Variants in GRK5 observed in about 807,000 individuals in gnomAD.
GRK5 encodes the protein G protein-coupled receptor kinase 5.
GRK5 carries 40 observed loss-of-function variants against 78.4 expected under a neutral mutation model. That is an observed-to-expected ratio of 0.51 (90% CI 0.40 to 0.66). GRK5 has a LOEUF of 0.66. Among genes scored for constraint, GRK5 ranks in the 30% least tolerant of loss-of-function variants. The pLI is 0.00. For synonymous variants in GRK5, 289 were observed against 296.8 expected, an observed-to-expected ratio of 0.97 and a Z score of 0.27; for missense variants, 598 against 759.9, an observed-to-expected ratio of 0.79 and a Z score of 2.50.
intron 8 of GRK5, among the ~76,000 whole-genome samples, chr10:119,435,418 GTTGC>G (rs1266351882): frequency 6.6e-6 from 1 of 152,162 alleles, no homozygotes; most frequent in Non-Finnish European, 1.5e-5. Flanking sequence ...TGAGTGCTTT[GTTGC>G]TTAGAAATTT....
intron 1 of GRK5, among the ~76,000 whole-genome samples, chr10:119,261,562 G>T (rs1264186654): frequency 6.6e-6 from 1 of 152,174 alleles, no homozygotes; most frequent in Non-Finnish European, 1.5e-5. Flanking sequence ...GGGAGGTGGA[G>T]GTTGTAGCGA....
intron 2 of GRK5, among the ~76,000 whole-genome samples, chr10:119,357,008 C>T (rs980513706): frequency 2.0e-5 from 3 of 152,214 alleles, no homozygotes; most frequent in East Asian, 1.9e-4. Flanking sequence ...CACCAAAGAA[C>T]AGCATGTGTG....
At chr10:119,372,688 A>G (rs895591298) in intron 2 of GRK5, among the ~76,000 whole-genome samples, 1 of 152,188 alleles carries the variant, frequency 6.6e-6, no homozygotes, top group Non-Finnish European at 1.5e-5. Context: ...TTTTGATTTC[A>G]TTCTCTGACA....
intron 2 of GRK5, among the ~76,000 whole-genome samples, chr10:119,355,200 G>A (rs1851247246): frequency 1.3e-5 from 2 of 152,198 alleles, no homozygotes; most frequent in Admixed American, 1.3e-4. Flanking sequence ...TTGATCCATA[G>A]TTAGTTGAAT....
rs982203570 is a variant in GRK5, at chr10:119,445,309, A to G, written c.1266+1557A>G. On this transcript the variant is annotated intron_variant, in intron 12 of 15. Coordinates refer to ENST00000392870, the MANE Select transcript of GRK5 (RefSeq NM_005308.3). The surrounding 1 kb of genome is among the most constrained non-coding windows in gnomAD (Gnocchi z 4.1). ...AAGAAGGGGTCAGACAGCCGTGGGC[A>G]GAGCATCACCAAATGTCCCAGGTCA... Among the ~76,000 whole-genome samples, 5 of 152,332 alleles carry G rather than the reference A, an allele frequency of 3.3e-5. No individual in the cohort carries two copies. In the East Asian group the frequency reaches 9.7e-4, roughly 29 times the overall value.
chr10:119,235,159 T>TTG (rs1554897256), intron 1 of GRK5, among the ~76,000 whole-genome samples: 7 of 147,170 alleles, frequency 4.8e-5, no homozygotes, highest in African/African-American at 7.5e-5. Context: ...TTTATTTTTT[T>TTG]TATTTTTGTA....
At chr10:119,275,611 T>TCTCTCGCG (rs574879389) in intron 1 of GRK5, among the ~76,000 whole-genome samples, 6 of 123,912 alleles carry the variant, frequency 4.8e-5, no homozygotes, top group East Asian at 4.2e-4. Context: ...TCTCTCTCTC[T>TCTCTCGCG]CGCACACACA....
intron 2 of GRK5, among the ~76,000 whole-genome samples, chr10:119,355,957 A>G (rs1851257600): frequency 6.6e-6 from 1 of 152,238 alleles, no homozygotes. Context: ...AACCGATGCT[A>G]TATAGTTATT....
intron 10 of GRK5, among the ~76,000 whole-genome samples, chr10:119,441,065 G>A (rs905185312): frequency 1.3e-5 from 2 of 152,230 alleles, no homozygotes; most frequent in South Asian, 2.1e-4. Context: ...AAACCGGGTC[G>A]CTGATGACCT....
chr10:119,324,399 G>A (rs1850639268), intron 1 of GRK5, among the ~76,000 whole-genome samples: 1 of 152,228 alleles, frequency 6.6e-6, no homozygotes, highest in Non-Finnish European at 1.5e-5. Context: ...GGCCAAGGCA[G>A]GCGGATCACT....
chr10:119,426,335 C>T (rs1028379997), intron 6 of GRK5, among the ~76,000 whole-genome samples: 27 of 152,154 alleles, frequency 1.8e-4, no homozygotes, highest in African/African-American at 5.6e-4. Context: ...CCTTAGTGGC[C>T]GCTGTCCACC....
chr10:119,249,002 C>T (rs1318952299), intron 1 of GRK5, among the ~76,000 whole-genome samples: 1 of 152,164 alleles, frequency 6.6e-6, no homozygotes, highest in African/African-American at 2.4e-5. Context: ...GGCGCGGTGG[C>T]TCATGCCTGT....
intron 3 of GRK5, among the ~76,000 whole-genome samples, chr10:119,383,047 G>A (rs369241974): frequency 6.6e-6 from 1 of 151,800 alleles, no homozygotes; most frequent in South Asian, 2.1e-4. Context: ...TCAGCCTCCC[G>A]AGTAGCTGGG....
At chr10:119,434,743 G>T (rs1788353843) in intron 8 of GRK5, among the ~76,000 whole-genome samples, 1 of 152,222 alleles carries the variant, frequency 6.6e-6, no homozygotes, top group African/African-American at 2.4e-5. Flanking sequence ...CCATTCTGGG[G>T]TCTGGAGGAC....
chr10:119,392,305 G>A lies in GRK5; in HGVS notation c.262-4390G>A, dbSNP rs1294814886. ...CCCGCAAAGGCCACCCCTGTGTTTG[G>A]CATAAATCACAATGCAGGGAGAAGG... On this transcript the variant is annotated intron_variant, in intron 3 of 15. Coordinates refer to ENST00000392870, the MANE Select transcript of GRK5 (RefSeq NM_005308.3). Among the ~76,000 whole-genome samples the A allele has an allele frequency of 5.9e-5, 9 of 152,206 alleles. No homozygotes were observed. The East Asian group carries it at 1.7e-3, about 29-fold the overall frequency.
In GRK5 at chr10:119,290,370, A is replaced by AAAC. The variant is rs1491498558; in HGVS notation, c.53-36146_53-36145insAAC. Among the ~76,000 whole-genome samples the AAAC allele has an allele frequency of 9.9e-4, 130 of 131,224 alleles. 2 individuals carry two copies. The highest frequency in any genetic ancestry group is 3.6e-3 in the African/African-American group (120 of 33,172). The allele number at this position is 131,224 out of a possible 152,430, so 86.1% of individuals were successfully genotyped here. On this transcript the variant is annotated intron_variant, in intron 1 of 15. Coordinates refer to ENST00000392870, the MANE Select transcript of GRK5 (RefSeq NM_005308.3). The stretch of plus-strand genomic sequence containing the variant: ...TCAAAAAAAAAAAAAAAAACAAAAA[A>AAAC]CAACTCTGTCCCCTTCTCCCTGTGG...
chr10:119,216,612 C>G (rs2133702487), intron 1 of GRK5, among the ~76,000 whole-genome samples: 1 of 152,250 alleles, frequency 6.6e-6, no homozygotes, highest in Non-Finnish European at 1.5e-5. Context: ...AGTTCAAGAC[C>G]AGCGTGGGCA....
Position 119,253,178 on chromosome 10 carries a change from C to T in GRK5, c.52+45209C>T, listed in dbSNP as rs746920862. Among the ~76,000 whole-genome samples the T allele has an allele frequency of 6.6e-6, 1 of 152,180 alleles. No individual in the cohort carries two copies. The highest frequency in any genetic ancestry group is 2.4e-5 in the African/African-American group (1 of 41,436). On this transcript the variant is annotated intron_variant, in intron 1 of 15. Coordinates refer to ENST00000392870, the MANE Select transcript of GRK5 (RefSeq NM_005308.3). The surrounding 1 kb of genome is among the most constrained non-coding windows in gnomAD (Gnocchi z 5.7). ...ACAGGTTTGACAGAGGGTGTCTACA[C>T]CACCCAGTGCCCCCTTGAGCTCACA...
intron 2 of GRK5, among the ~76,000 whole-genome samples, chr10:119,355,074 T>G (rs1851245481): frequency 6.6e-6 from 1 of 152,226 alleles, no homozygotes; most frequent in Admixed American, 6.5e-5. Flanking sequence ...CCTAGTTCAA[T>G]GTAAATGCTA....
Sources: gnomAD v4.1 joint callset for allele counts (sites outside exome capture counted in the v4.1 genomes callset) on GRCh38, gnomAD v4.1.1 for gene constraint, Gnocchi (gnomAD v3.1) non-coding constraint, MANE v1.5 for transcripts, NCBI Gene and HGNC (gene_info 2026-07-23, HGNC 2026-07-21) for gene names.